Variants in SPATC1 observed in about 807,000 individuals in gnomAD.
SPATC1 encodes spermatogenesis and centriole associated 1.
In SPATC1, 35 loss-of-function variants were observed where a neutral mutation model predicts 36.5. The ratio of observed to expected loss-of-function variants is 0.96; its 90% CI spans 0.73 to 1.27. The LOEUF (loss-of-function observed/expected upper bound fraction) is 1.27. SPATC1 is among the 50% of genes most tolerant of loss of function. The pLI is 0.00. For synonymous variants in SPATC1, 361 were observed against 353.6 expected (o/e 1.02, Z -0.24); for missense variants, 779 against 796.0 (o/e 0.98, Z 0.26).
intron 1 of SPATC1, among the ~76,000 whole-genome samples, chr8:144,039,273 CAG>C (rs1834995446): frequency 1.3e-5 from 2 of 152,188 alleles, no homozygotes; most frequent in Admixed American, 1.3e-4. Context: ...AGCAGGCTCT[CAG>C]GGGCAGGGAG....
chr8:144,011,541 C>T (rs553528932), upstream of SPATC1, among the ~76,000 whole-genome samples: 1 of 152,292 alleles, frequency 6.6e-6, no homozygotes, highest in East Asian at 1.9e-4. The surrounding 1 kb of genome is among the most constrained non-coding windows in gnomAD (Gnocchi z 4.5). Context: ...GGGAGAACAG[C>T]CACAGAGCCA....
intron 1 of SPATC1, among the ~76,000 whole-genome samples, chr8:144,037,804 A>T (rs1834946648): frequency 6.6e-6 from 1 of 151,754 alleles, no homozygotes; most frequent in East Asian, 1.9e-4. Context: ...AATGATCAAT[A>T]AAAATAAATA....
intron 1 of SPATC1, among the ~76,000 whole-genome samples, chr8:144,024,531 TC>T (rs1234267449): frequency 7.4e-6 from 1 of 135,572 alleles, no homozygotes; most frequent in Non-Finnish European, 1.6e-5. Flanking sequence ...AAGACCCCCT[TC>T]CCTCAGGACC....
chr8:144,033,698 G>C (rs1313953082), intron 1 of SPATC1, among the ~76,000 whole-genome samples: 1 of 152,004 alleles, frequency 6.6e-6, no homozygotes, highest in African/African-American at 2.4e-5. Flanking sequence ...AAGCAGATGT[G>C]ACTGGCCCTG....
chr8:144,030,739 T>C (rs2133125552), intron 1 of SPATC1, among the ~76,000 whole-genome samples: 1 of 152,340 alleles, frequency 6.6e-6, no homozygotes, highest in South Asian at 2.1e-4. Context: ...ATTAATTTTT[T>C]CTAGTATACC....
chr8:144,037,083 G>GGCGGCCGGCTGGGCGGGGGGCTGACCC (rs1834914183), intron 1 of SPATC1, among the ~76,000 whole-genome samples: 1 of 142,294 alleles, frequency 7.0e-6, no homozygotes, highest in East Asian at 2.4e-4. Flanking sequence ...TCCCAGTAGG[G>GGCGGCCGGCTGGGCGGGGGGCTGACCC]GCGGCCGGCT....
intron 1 of SPATC1, among the ~76,000 whole-genome samples, chr8:144,023,629 CT>C (rs1834600018): frequency 9.1e-6 from 1 of 110,438 alleles, no homozygotes; most frequent in Non-Finnish European, 1.9e-5. Flanking sequence ...CCTCAGGACC[CT>C]CTTCCCTGAG....
At chr8:144,011,693 C>G (rs991335000), upstream of SPATC1, among the ~76,000 whole-genome samples, 2 of 152,080 alleles carry the variant, frequency 1.3e-5, no homozygotes, top group Non-Finnish European at 2.9e-5. This position sits in a 1 kb window ranked among gnomAD's most constrained non-coding sequence, Gnocchi z 4.5. Flanking sequence ...CAGTCTTGGG[C>G]TCCTGAAGGA....
chr8:144,025,336 G>T (rs1475036322), intron 1 of SPATC1, among the ~76,000 whole-genome samples: 3 of 152,108 alleles, frequency 2.0e-5, no homozygotes, highest in Non-Finnish European at 4.4e-5. Flanking sequence ...CGTGAGGCCA[G>T]GTGTCTAGCT....
At chr8:144,019,307 G>A (rs1328636863) in intron 1 of SPATC1, among the ~76,000 whole-genome samples, 3 of 152,208 alleles carry the variant, frequency 2.0e-5, no homozygotes, top group African/African-American at 4.8e-5. Flanking sequence ...AACCAGGAGT[G>A]CTGTCAGATG....
chr8:144,041,126 T>A lies in SPATC1; in HGVS notation c.1306+19T>A. On this transcript the variant is annotated intron_variant, in intron 3 of 4. Transcript: ENST00000377470. ...CCCCGAGGTCAGTGACACTGCGGGC[T>A]CCACGCGGGTCGGGCCCCCAGGCCC... The A allele has an allele frequency of 1.3e-6, 2 of 1,578,724 alleles. No individual in the cohort carries two copies. The highest frequency in any genetic ancestry group is 1.7e-6 in the Non-Finnish European group (2 of 1,161,182).
At chr8:144,037,090 G>A (rs1430300688) in intron 1 of SPATC1, among the ~76,000 whole-genome samples, 3 of 136,770 alleles carry the variant, frequency 2.2e-5, no homozygotes, top group Non-Finnish European at 3.2e-5. Flanking sequence ...AGGGGCGGCC[G>A]GCTGGGCGGG....
chr8:144,036,945 C>T lies in SPATC1; in HGVS notation c.212-2964C>T, dbSNP rs914115654. ...CACCATTTGCAAAGAATCATGATGC[C>T]GGAGCTGCTATGGTGTGTGTCCCGT... On this transcript the variant is annotated intron_variant, in intron 1 of 4. Transcript: ENST00000377470. Among the ~76,000 whole-genome samples, 7 of 151,768 alleles carry T rather than the reference C, an allele frequency of 4.6e-5. No homozygotes were observed. In the South Asian group the frequency reaches 8.3e-4, roughly 18 times the overall value.
chr8:144,038,799 G>T (rs550087202), intron 1 of SPATC1, among the ~76,000 whole-genome samples: 2 of 152,242 alleles, frequency 1.3e-5, no homozygotes, highest in African/African-American at 2.4e-5. Context: ...ATCCATAAAG[G>T]TTTGTTGCCA....
rs1834850433 is a variant in SPATC1, at chr8:144,034,027, ATC to A, written c.212-5878_212-5877del. On this transcript the variant is annotated intron_variant, in intron 1 of 4. Coordinates refer to ENST00000377470, the MANE Select transcript of SPATC1 (RefSeq NM_198572.3). ...GCAGCCAGGCCACTTGGGTTTGAAAATCTCTTATTTTTCAGGGCCTAACCTTT... is the reference window on the plus strand; with the variant it reads ...GCAGCCAGGCCACTTGGGTTTGAAAATCTTATTTTTCAGGGCCTAACCTTT... Among the ~76,000 whole-genome samples, 4 of 152,130 alleles carry A rather than the reference ATC, an allele frequency of 2.6e-5. No homozygotes were observed. In the South Asian group the frequency reaches 8.3e-4, roughly 32 times the overall value.
At position 144,046,864 on chromosome 8, in the gene SPATC1, G is replaced by C; in HGVS notation, c.1684G>C (p.Val562Leu). The stretch of plus-strand genomic sequence containing the variant: ...CCTGCAGCGTGTGGTGGTGGAGACC[G>C]TGCACCCCGGCATGCTCGCCGACGC... ...DFLQRVVVET[V>L]HPGMLADALL... Residue 562 changes from valine (V) to leucine (L), a missense_variant, in exon 5 of 5, where the codon GTG (valine) becomes CTG (leucine). Physicochemically the swap from Val to Leu is conservative, Grantham distance 32. Coordinates refer to ENST00000377470, the MANE Select transcript of SPATC1 (RefSeq NM_198572.3). This position sits in a 1 kb window ranked among gnomAD's most constrained non-coding sequence, Gnocchi z 6.6. The C allele has an allele frequency of 6.2e-7, 1 of 1,601,118 alleles. No homozygotes were observed. Among genetic ancestry groups the C allele is most frequent in the Non-Finnish European group, 8.5e-7 (1 of 1,179,816 alleles).
At chr8:144,037,198 G>A (rs1483671401) in intron 1 of SPATC1, among the ~76,000 whole-genome samples, 1 of 134,708 alleles carries the variant, frequency 7.4e-6, no homozygotes, top group African/African-American at 3.0e-5. Context: ...GGAGGTGGGG[G>A]GGTCAGCCCC....
At chr8:144,032,996 C>T (rs1327830744) in intron 1 of SPATC1, among the ~76,000 whole-genome samples, 1 of 151,758 alleles carries the variant, frequency 6.6e-6, no homozygotes, top group African/African-American at 2.4e-5. Context: ...AATAGCAAAG[C>T]CTGGGGAGGA....
chr8:144,042,677 G>A (rs1282947291), intron 4 of SPATC1, among the ~76,000 whole-genome samples: 3 of 152,068 alleles, frequency 2.0e-5, no homozygotes, highest in African/African-American at 4.8e-5. Context: ...TTGAAACCAA[G>A]TTTAGAGGTC....
Sources: gnomAD v4.1 joint callset for allele counts (sites outside exome capture counted in the v4.1 genomes callset) on GRCh38, gnomAD v4.1.1 for gene constraint, Gnocchi (gnomAD v3.1) non-coding constraint, MANE v1.5 for transcripts, NCBI Gene and HGNC (gene_info 2026-07-23, HGNC 2026-07-21) for gene names.